TEKT5: variants seen among roughly 807,000 people sequenced by gnomAD.
TEKT5 encodes the protein tektin-5.
Under a neutral mutation model 48.7 loss-of-function variants are expected in TEKT5, and 52 were observed. That is an observed-to-expected ratio of 1.07 (90% CI 0.86 to 1.35). The LOEUF (loss-of-function observed/expected upper bound fraction) is 1.35, where lower values mean the gene tolerates loss of function less well. TEKT5 is among the 40% of genes most tolerant of loss of function. The probability of loss-of-function intolerance (pLI) is 0.00; values close to 1 mark genes in which losing one functional copy is unlikely to be tolerated. For synonymous variants in TEKT5, 318 were observed against 267.6 expected (o/e 1.19, Z -1.84); for missense variants, 831 against 641.6 (o/e 1.30, Z -3.19).
At chr16:10,685,310 CTCT>C (rs1195449119) in intron 3 of TEKT5, among the ~76,000 whole-genome samples, 1 of 152,100 alleles carries the variant, frequency 6.6e-6, no homozygotes, top group Non-Finnish European at 1.5e-5. Flanking sequence ...CTCTCTCTCT[CTCT>C]TTTTTTGAGA....
intron 5 of TEKT5, among the ~76,000 whole-genome samples, chr16:10,660,694 TGTGTGTGTG>T: frequency 6.8e-6 from 1 of 146,432 alleles, no homozygotes; most frequent in South Asian, 2.1e-4. Context: ...TGTGTGTGTG[TGTGTGTGTG>T]TTATTTATTT....
chr16:10,634,706 T>A (rs1897888776), intron 6 of TEKT5, among the ~76,000 whole-genome samples: 1 of 152,182 alleles, frequency 6.6e-6, no homozygotes, highest in African/African-American at 2.4e-5. Flanking sequence ...ACTGTCATTG[T>A]CCTTCTGGTT....
intron 5 of TEKT5, among the ~76,000 whole-genome samples, chr16:10,662,779 G>T (rs1423322066): frequency 1.3e-5 from 2 of 152,196 alleles, no homozygotes; most frequent in South Asian, 2.1e-4. Context: ...GTGGTTAGTG[G>T]TGGGGACTTT....
At chr16:10,634,557 CAAT>C (rs1377594938) in intron 6 of TEKT5, among the ~76,000 whole-genome samples, 1 of 152,172 alleles carries the variant, frequency 6.6e-6, no homozygotes, top group African/African-American at 2.4e-5. Flanking sequence ...GGATGACCCT[CAAT>C]GATGTGGGGT....
chr16:10,687,644 TC>T (rs1303462576), intron 3 of TEKT5, among the ~76,000 whole-genome samples: 3 of 152,196 alleles, frequency 2.0e-5, no homozygotes, highest in African/African-American at 4.8e-5. Context: ...TCCCAGCTAC[TC>T]GGGAGGCTGA....
At chr16:10,680,933 G>A (rs1409985815) in intron 4 of TEKT5, among the ~76,000 whole-genome samples, 3 of 149,656 alleles carry the variant, frequency 2.0e-5, no homozygotes, top group Admixed American at 6.7e-5. Context: ...TGGGTGCAGC[G>A]CACGAGCATG....
In TEKT5 at chr16:10,678,843, T is replaced by G. The variant is rs775740779; in HGVS notation, c.864-2662A>C. On this transcript the variant is annotated intron_variant, in intron 4 of 6. Coordinates refer to ENST00000283025, the MANE Select transcript of TEKT5 (RefSeq NM_144674.2). ...AATCACATTCTCCCTGGGGAGGAAT[T>G]TGCCAAAGACAGTCTGCCTCCTCAG... is the stretch of plus-strand genomic sequence containing the variant. Among the ~76,000 whole-genome samples, 42 of 152,266 alleles carry G rather than the reference T, an allele frequency of 2.8e-4. 1 individual carries two copies. The highest frequency in any genetic ancestry group is 5.9e-4 in the Admixed American group (9 of 15,298).
At chr16:10,660,701 GTGT>G (rs2142286108) in intron 5 of TEKT5, among the ~76,000 whole-genome samples, 3 of 111,192 alleles carry the variant, frequency 2.7e-5, no homozygotes, top group African/African-American at 9.0e-5. Flanking sequence ...GTGTGTGTGT[GTGT>G]TATTTATTTA....
intron 1 of TEKT5, chr16:10,690,514 G>T: frequency 3.2e-6 from 3 of 947,402 alleles, no homozygotes; most frequent in Non-Finnish European, 3.8e-6. Context: ...GTGCCATATT[G>T]GTGCCTATCT....
At chr16:10,681,039 T>C (rs935528264) in intron 4 of TEKT5, among the ~76,000 whole-genome samples, 1 of 102,062 alleles carries the variant, frequency 9.8e-6, no homozygotes, top group Admixed American at 1.2e-4. Flanking sequence ...ATAAGAAAAA[T>C]ACCAAAAAAA....
At chr16:10,635,103 G>T (rs572756475) in intron 6 of TEKT5, among the ~76,000 whole-genome samples, 4 of 152,012 alleles carry the variant, frequency 2.6e-5, no homozygotes, top group African/African-American at 9.7e-5. Context: ...CATACAGCAC[G>T]TTCATGGGAA....
chr16:10,694,159 G>C lies in TEKT5; in HGVS notation c.564+151C>G, dbSNP rs1049346321. ...GATTTGACTGGGATTATCCTGAATTGACTAAGATTGTATTACTGATCGTAT... is the reference window on the plus strand; with the variant it reads ...GATTTGACTGGGATTATCCTGAATTCACTAAGATTGTATTACTGATCGTAT... On this transcript the variant is annotated intron_variant, in intron 1 of 6. Coordinates refer to ENST00000283025, the MANE Select transcript of TEKT5 (RefSeq NM_144674.2). The C allele has an allele frequency of 5.2e-5, 37 of 712,054 alleles. No homozygotes were observed. In the African/African-American group the frequency reaches 5.4e-4, roughly 10 times the overall value. 44.1% of individuals were successfully genotyped at this position (712,054 alleles called of 1,614,324 possible).
At chr16:10,655,599 C>G (rs1320239904) in intron 5 of TEKT5, among the ~76,000 whole-genome samples, 1 of 152,174 alleles carries the variant, frequency 6.6e-6, no homozygotes, top group African/African-American at 2.4e-5. Flanking sequence ...TTTCCAGGCT[C>G]CCTTGTAGCT....
At chr16:10,675,779 TC>T (rs1381995013) in intron 5 of TEKT5, among the ~76,000 whole-genome samples, 179 bp downstream of exon 5, 2 of 151,770 alleles carry the variant, frequency 1.3e-5, no homozygotes, top group Non-Finnish European at 2.9e-5. Context: ...GATGCTTAAA[TC>T]CCCCCAGGAA....
chr16:10,636,353 G>C (rs1004150092), intron 5 of TEKT5, among the ~76,000 whole-genome samples: 5 of 150,386 alleles, frequency 3.3e-5, no homozygotes, highest in African/African-American at 1.2e-4. Context: ...CCAGCCTGGG[G>C]GACAAGAGCG....
At chr16:10,648,672 C>A (rs1011790448) in intron 5 of TEKT5, among the ~76,000 whole-genome samples, 1 of 152,140 alleles carries the variant, frequency 6.6e-6, no homozygotes, top group Non-Finnish European at 1.5e-5. Flanking sequence ...GAGACAGTTA[C>A]CTCCTTGTCA....
chr16:10,633,186 C>T (rs1897864621), intron 6 of TEKT5, among the ~76,000 whole-genome samples: 1 of 152,128 alleles, frequency 6.6e-6, no homozygotes, highest in African/African-American at 2.4e-5. Context: ...CATGGTGAAA[C>T]CCTGACTCTA....
At chr16:10,681,724 G>A (rs1488977902) in intron 4 of TEKT5, among the ~76,000 whole-genome samples, 2 of 151,914 alleles carry the variant, frequency 1.3e-5, no homozygotes, top group South Asian at 2.1e-4. Context: ...AGATGAAGGC[G>A]CTCTGACCAC....
chr16:10,691,628 G>A (rs1179663050), intron 1 of TEKT5, among the ~76,000 whole-genome samples: 1 of 152,064 alleles, frequency 6.6e-6, no homozygotes, highest in African/African-American at 2.4e-5. Flanking sequence ...TATGGGGAGG[G>A]GTGGAGGAAT....
Sources: allele counts gnomAD v4.1 joint callset (sites outside exome capture counted in the v4.1 genomes callset), GRCh38; gene constraint gnomAD v4.1.1; transcripts MANE v1.5; gene names NCBI Gene and HGNC (gene_info 2026-07-23, HGNC 2026-07-21).